The following MS4A5 variants were observed in gnomAD, a reference collection of about 807,000 sequenced individuals.
MS4A5 encodes the protein membrane-spanning 4-domains subfamily A member 5.
A neutral mutation model predicts 18.2 loss-of-function variants in MS4A5; 15 were observed. That is an observed-to-expected ratio of 0.83 (90% CI 0.55 to 1.27). MS4A5 has a LOEUF of 1.27. MS4A5 is among the 50% of genes most tolerant of loss of function. The probability of loss-of-function intolerance (pLI) is 0.00; values close to 1 mark genes in which losing one functional copy is unlikely to be tolerated. For synonymous variants in MS4A5, 89 were observed against 78.7 expected (o/e 1.13, Z -0.69); for missense variants, 232 against 225.7 (o/e 1.03, Z -0.18).
At chr11:60,443,675 GATAAA>G (rs2086125437) in intron 4 of MS4A5, among the ~76,000 whole-genome samples, 1 of 151,788 alleles carries the variant, frequency 6.6e-6, no homozygotes. Flanking sequence ...CCATGGATAA[GATAAA>G]ATAAAGCTAA....
chr11:60,446,788 T>C (rs1300375296), intron 4 of MS4A5, among the ~76,000 whole-genome samples: 1 of 152,004 alleles, frequency 6.6e-6, no homozygotes, highest in Non-Finnish European at 1.5e-5. Flanking sequence ...TACTAGCGTA[T>C]GCTTCTTATG....
At chr11:60,434,000 C>T (rs1020165387) in intron 4 of MS4A5, 83 bp downstream of exon 4, 2 of 1,216,138 alleles carry the variant, frequency 1.6e-6, no homozygotes, top group African/African-American at 3.0e-5. Flanking sequence ...CCATTCAGAT[C>T]ATGTTGTGGA....
In MS4A5 at chr11:60,431,001, T is replaced by C. The variant is rs188802161; in HGVS notation, c.282+77T>C. ...GGGAATTCTTCACAATGAAATAAGC[T>C]AGATCCAGTTGTATGACATGCTTTC... On this transcript the variant is annotated intron_variant, in intron 2 of 4. Coordinates refer to ENST00000300190, the MANE Select transcript of MS4A5 (RefSeq NM_023945.3). 6 of 1,507,846 alleles carry C rather than the reference T, an allele frequency of 4.0e-6. No individual in the cohort carries two copies. The East Asian group carries it at 1.4e-4, about 34-fold the overall frequency. The allele number at this position is 1,507,846 out of a possible 1,614,324, so 93.4% of individuals were successfully genotyped here.
chr11:60,447,528 C>T (rs2086147856), intron 4 of MS4A5, 121 bp from the exon 5 acceptor site: 2 of 608,354 alleles, frequency 3.3e-6, no homozygotes, highest in Non-Finnish European at 5.7e-6. Context: ...GCATCAGATA[C>T]ACTTGAGATA....
At chr11:60,447,613 G>T in intron 4 of MS4A5, 36 bp from the exon 5 acceptor site, 1 of 1,206,084 alleles carries the variant, frequency 8.3e-7, no homozygotes, top group Non-Finnish European at 1.2e-6. Context: ...CCAACATCAT[G>T]ACTCTTCATT....
intron 4 of MS4A5, among the ~76,000 whole-genome samples, chr11:60,436,029 C>A (rs1490511596): frequency 6.6e-6 from 1 of 152,126 alleles, no homozygotes; most frequent in East Asian, 1.9e-4. Flanking sequence ...CTTAAATGTC[C>A]CTGTCTGACA....
At chr11:60,435,472 G>T (rs554016021) in intron 4 of MS4A5, 12 of 415,494 alleles carry the variant, frequency 2.9e-5, no homozygotes, top group African/African-American at 4.2e-5. Flanking sequence ...AGCTCCCAGC[G>T]TGAGAGACGC....
intron 3 of MS4A5, among the ~76,000 whole-genome samples, chr11:60,432,796 G>C (rs527920354): frequency 6.7e-6 from 1 of 149,330 alleles, no homozygotes; most frequent in African/African-American, 2.4e-5. Context: ...AAAAAGTAAT[G>C]AGTTACATTT....
intron 3 of MS4A5, 121 bp from the exon 4 acceptor site, chr11:60,433,644 G>A: frequency 2.2e-6 from 2 of 896,292 alleles, no homozygotes; most frequent in East Asian, 2.5e-5. Flanking sequence ...GGATCACAGA[G>A]CTGCCTCGTG....
chr11:60,431,741 A>T (rs1327416944), intron 2 of MS4A5, among the ~76,000 whole-genome samples: 1 of 152,192 alleles, frequency 6.6e-6, no homozygotes, highest in Non-Finnish European at 1.5e-5. Flanking sequence ...AGGATTAGGG[A>T]TGTCTTGTTG....
At chr11:60,440,567 A>G (rs2086105320) in intron 4 of MS4A5, among the ~76,000 whole-genome samples, 1 of 145,176 alleles carries the variant, frequency 6.9e-6, no homozygotes, top group South Asian at 2.2e-4. Flanking sequence ...AATGAACTCA[A>G]ACAAATTTAC....
chr11:60,437,092 G>A (rs1057292345), intron 4 of MS4A5, among the ~76,000 whole-genome samples: 6 of 138,216 alleles, frequency 4.3e-5, no homozygotes, highest in African/African-American at 1.5e-4. Flanking sequence ...AACCCTACAA[G>A]CCAGAAGAGA....
chr11:60,435,862 C>T (rs1333431682), intron 4 of MS4A5, among the ~76,000 whole-genome samples: 1 of 152,178 alleles, frequency 6.6e-6, no homozygotes, highest in African/African-American at 2.4e-5. Context: ...GGGAGGGGCG[C>T]CCGCCATTGC....
chr11:60,430,397 T>C (rs1361916037), intron 1 of MS4A5, among the ~76,000 whole-genome samples: 1 of 152,176 alleles, frequency 6.6e-6, no homozygotes, highest in Non-Finnish European at 1.5e-5. Context: ...CCTGGTATAC[T>C]CATTTAGAAT....
At chr11:60,443,049 G>T (rs1320510382) in intron 4 of MS4A5, among the ~76,000 whole-genome samples, 1 of 152,134 alleles carries the variant, frequency 6.6e-6, no homozygotes, top group Non-Finnish European at 1.5e-5. Context: ...GCTGAGGCAG[G>T]AGAATCACTT....
At chr11:60,443,870 C>T (rs1049420968) in intron 4 of MS4A5, among the ~76,000 whole-genome samples, 26 of 152,048 alleles carry the variant, frequency 1.7e-4, no homozygotes, top group Non-Finnish European at 2.9e-5. Context: ...TGATTGTTTC[C>T]TTATAAAACC....
chr11:60,432,975 G>A (rs2086059292), intron 3 of MS4A5, among the ~76,000 whole-genome samples: 1 of 152,090 alleles, frequency 6.6e-6, no homozygotes, highest in African/African-American at 2.4e-5. Context: ...CATTATGCTA[G>A]AGGAGAAAGT....
chr11:60,447,526 T>C, intron 4 of MS4A5, 123 bp from the exon 5 acceptor site: 1 of 608,520 alleles, frequency 1.6e-6, no homozygotes, highest in African/African-American at 1.9e-5. Context: ...AAGCATCAGA[T>C]ACACTTGAGA....
chr11:60,441,427 A>G (rs1165086770), intron 4 of MS4A5, among the ~76,000 whole-genome samples: 1 of 31,210 alleles, frequency 3.2e-5, no homozygotes, highest in Non-Finnish European at 7.2e-5. Flanking sequence ...TTAAAGTATA[A>G]TAAAAAAAAA....
Sources: gnomAD v4.1 joint callset for allele counts (sites outside exome capture counted in the v4.1 genomes callset) on GRCh38, gnomAD v4.1.1 for gene constraint, MANE v1.5 for transcripts, NCBI Gene and HGNC (gene_info 2026-07-23, HGNC 2026-07-21) for gene names.